The following RAB3IP variants were observed in gnomAD, a reference collection of about 807,000 sequenced individuals.
The protein encoded by RAB3IP is rab-3A-interacting protein.
A neutral mutation model predicts 59.1 loss-of-function variants in RAB3IP; 36 were observed. The observed-to-expected ratio is 0.61, with a 90% CI of 0.47 to 0.80. RAB3IP has a LOEUF of 0.80. Among genes scored for constraint, RAB3IP ranks in the 30% least tolerant of loss-of-function variants. RAB3IP has a pLI of 0.00. For missense variants in RAB3IP, 511 were observed against 536.0 expected, an observed-to-expected ratio of 0.95 and a Z score of 0.46; for synonymous variants, 207 against 191.2, an observed-to-expected ratio of 1.08 and a Z score of -0.68.
chr12:69,801,562 T>TTTTTTA (rs1388345339), intron 7 of RAB3IP, 47 bp from the exon 8 acceptor site: 1 of 1,158,930 alleles, frequency 8.6e-7, no homozygotes, highest in African/African-American at 2.1e-5. Flanking sequence ...ACAATTTTGA[T>TTTTTTA]ATTTTTCTGC....
intron 1 of RAB3IP, among the ~76,000 whole-genome samples, chr12:69,743,336 G>GA (rs1233976948): frequency 6.6e-6 from 1 of 152,058 alleles, no homozygotes; most frequent in Non-Finnish European, 1.5e-5. Context: ...TCCCTGTGGG[G>GA]AAAAGAATCA....
chr12:69,811,010 A>G (rs1193896994), intron 8 of RAB3IP, among the ~76,000 whole-genome samples: 2 of 152,162 alleles, frequency 1.3e-5, no homozygotes, highest in East Asian at 3.9e-4. Context: ...TAGAAATGAG[A>G]TCTTTTAAGA....
chr12:69,744,521 G>A (rs1230938005), intron 1 of RAB3IP, among the ~76,000 whole-genome samples: 2 of 151,852 alleles, frequency 1.3e-5, no homozygotes, highest in Non-Finnish European at 2.9e-5. Flanking sequence ...TCAGGAGTTC[G>A]AGACAAGCCT....
chr12:69,794,478 A>G lies in RAB3IP; in HGVS notation c.648A>G (p.Ala216=). The change falls in exon 5 of 11, where the codon GCA becomes GCG. Residue 216 remains alanine (A), a synonymous_variant. Transcript: ENST00000247833. Reference sequence around the variant, plus strand: ...TGAGAGAAGCAAATATCAAGCAGGCAACAGCAGAAAAACAGCTAAAAGAAG... The same window carrying G: ...TGAGAGAAGCAAATATCAAGCAGGCGACAGCAGAAAAACAGCTAAAAGAAG... ...KMVREANIKQ[A]TAEKQLKEAQ... is the part of the protein sequence containing the mutation. The G allele has an allele frequency of 6.2e-7, 1 of 1,613,418 alleles. No individual in the cohort carries two copies. Among genetic ancestry groups the G allele is most frequent in the Non-Finnish European group, 8.5e-7 (1 of 1,179,652 alleles).
At chr12:69,792,260 A>G (rs1487348192) in intron 4 of RAB3IP, among the ~76,000 whole-genome samples, 2 of 152,198 alleles carry the variant, frequency 1.3e-5, no homozygotes, top group African/African-American at 2.4e-5. Flanking sequence ...GTATGTTACA[A>G]ATTTGCTAAG....
At chr12:69,756,273 A>G in intron 2 of RAB3IP, 132 bp from the exon 3 acceptor site, 1 of 855,152 alleles carries the variant, frequency 1.2e-6, no homozygotes, top group Non-Finnish European at 1.8e-6. Flanking sequence ...GGCTGATATG[A>G]CTGAGGACAT....
intron 8 of RAB3IP, among the ~76,000 whole-genome samples, chr12:69,804,822 T>G (rs1179463582): frequency 6.6e-6 from 1 of 152,156 alleles, no homozygotes; most frequent in East Asian, 1.9e-4. Flanking sequence ...GCGGCATTAT[T>G]TCTGAGGGCT....
intron 3 of RAB3IP, among the ~76,000 whole-genome samples, chr12:69,764,629 G>A (rs1218001920): frequency 6.6e-6 from 1 of 151,010 alleles, no homozygotes; most frequent in Non-Finnish European, 1.5e-5. Context: ...TCAGGCCCTT[G>A]TGTGGTTCCA....
chr12:69,807,771 G>C (rs1206173679), intron 8 of RAB3IP, among the ~76,000 whole-genome samples: 1 of 147,404 alleles, frequency 6.8e-6, no homozygotes, highest in Non-Finnish European at 1.5e-5. Context: ...CTGGGCAGAG[G>C]CGCTCCTCAC....
At chr12:69,762,681 C>T (rs1017504608) in intron 3 of RAB3IP, among the ~76,000 whole-genome samples, 1 of 139,836 alleles carries the variant, frequency 7.2e-6, no homozygotes, top group South Asian at 2.2e-4. Flanking sequence ...GGCGTGAACC[C>T]AGGAGGTGGA....
chr12:69,809,573 A>T (rs1040676006), intron 8 of RAB3IP, among the ~76,000 whole-genome samples: 1 of 152,176 alleles, frequency 6.6e-6, no homozygotes, highest in Non-Finnish European at 1.5e-5. Flanking sequence ...ACATAGTCCC[A>T]TATTTCTTGC....
At chr12:69,773,011 T>C (rs1399937488) in intron 3 of RAB3IP, among the ~76,000 whole-genome samples, 2 of 152,156 alleles carry the variant, frequency 1.3e-5, no homozygotes, top group East Asian at 3.8e-4. Flanking sequence ...AGCTTTTGTT[T>C]TTCTGGGAAA....
chr12:69,801,587 G>T (rs1425605933), intron 7 of RAB3IP, 22 bp from the exon 8 acceptor site: 4 of 1,492,508 alleles, frequency 2.7e-6, no homozygotes, highest in Admixed American at 3.5e-5. Context: ...ATAGCATCTA[G>T]TACTTTTTCT....
At position 69,755,655 on chromosome 12, in the gene RAB3IP, A is replaced by G. The variant is rs768171201; in HGVS notation, c.247A>G (p.Ile83Val). 3 of 1,608,746 alleles carry G rather than the reference A, an allele frequency of 1.9e-6. No homozygotes were observed. Among genetic ancestry groups the G allele is most frequent in the Non-Finnish European group, 2.6e-6 (3 of 1,175,898 alleles). ...RRLNCAEISS[I>V]SFHVTDPAPC... ...TTTAAATTGTGCGGAAATATCTAGT[A>G]TCAGGTAGGAAATAAGTAAATCACT... The change falls in exon 2 of 11, where the codon ATC becomes GTC. Residue 83 changes from isoleucine (I) to valine (V), a missense_variant. Physicochemically the swap from Ile to Val is conservative, Grantham distance 29 (BLOSUM62 3). Coordinates refer to ENST00000247833, the MANE Select transcript of RAB3IP (RefSeq NM_022456.5).
chr12:69,807,509 C>A (rs1364101187), intron 8 of RAB3IP, among the ~76,000 whole-genome samples: 1 of 142,972 alleles, frequency 7.0e-6, no homozygotes, highest in Non-Finnish European at 1.5e-5. Context: ...GGCGGCCGGG[C>A]AGAGGCACTC....
intron 3 of RAB3IP, among the ~76,000 whole-genome samples, chr12:69,767,573 C>G (rs1486362284): frequency 6.6e-6 from 1 of 152,260 alleles, no homozygotes; most frequent in Non-Finnish European, 1.5e-5. Context: ...GAATCCCCTT[C>G]AGCCCTAAGT....
At chr12:69,750,712 G>A (rs905522735) in intron 1 of RAB3IP, among the ~76,000 whole-genome samples, 1 of 144,158 alleles carries the variant, frequency 6.9e-6, no homozygotes, top group Admixed American at 7.0e-5. Flanking sequence ...AGGCTTGTTT[G>A]ATTTGGGGTC....
rs74640055 is a variant in RAB3IP, at chr12:69,823,180, A to G, written c.*7734A>G. The G allele has an allele frequency of 6.6e-6, 1 of 152,014 alleles. No individual in the cohort carries two copies. 9.4% of individuals were successfully genotyped at this position (152,014 alleles called of 1,614,324 possible). A position where few individuals can be genotyped will look rare whatever the true frequency, so the allele number is the denominator to read the frequency against. ...TTATTATTTGTTAATTAAAAAAATA[A>G]AAAAAAGACCCACCCACTGTTTAAG... On this transcript the variant is annotated 3_prime_UTR_variant, in exon 11 of 11. Transcript: ENST00000247833.
At position 69,800,686 on chromosome 12, in the gene RAB3IP, C is replaced by T. The variant is rs530515622; in HGVS notation, c.1017+349C>T. ...TGTTAAAGGCATTTGTTGTGTCTAT[C>T]TGTACATGATTTAAAAATCTAATTT... On this transcript the variant is annotated intron_variant, in intron 7 of 10. Transcript: ENST00000247833. Among the ~76,000 whole-genome samples the T allele has an allele frequency of 1.4e-4, 22 of 152,268 alleles. No individual in the cohort carries two copies. In the South Asian group the frequency reaches 4.6e-3, roughly 32 times the overall value.
Sources: gnomAD v4.1 joint callset for allele counts (sites outside exome capture counted in the v4.1 genomes callset) on GRCh38, gnomAD v4.1.1 for gene constraint, MANE v1.5 for transcripts, NCBI Gene and HGNC (gene_info 2026-07-23, HGNC 2026-07-21) for gene names.